JAK2: variants seen among roughly 807,000 people sequenced by gnomAD.
The protein encoded by JAK2 is Janus kinase 2.
JAK2 carries 86 observed loss-of-function variants against 139.3 expected under a neutral mutation model. The observed-to-expected ratio is 0.62, with a 90% confidence interval of 0.52 to 0.74. The LOEUF (loss-of-function observed/expected upper bound fraction) is 0.74, where lower values mean the gene tolerates loss of function less well. Among genes scored for constraint, JAK2 ranks in the 30% least tolerant of loss-of-function variants. The pLI, the probability that JAK2 is intolerant of heterozygous loss-of-function variation, is 0.00. For missense variants in JAK2, 1,421 were observed against 1,360.3 expected (o/e 1.04, Z -0.70); for synonymous variants, 490 against 437.7 (o/e 1.12, Z -1.49).
intron 14 of JAK2, among the ~76,000 whole-genome samples, chr9:5,074,112 C>T (rs949083913): frequency 1.3e-5 from 2 of 152,030 alleles, no homozygotes; most frequent in Non-Finnish European, 2.9e-5. Flanking sequence ...CTTTTCAGTA[C>T]AAACTTATCT....
At chr9:4,997,445 T>C (rs1820641814) in intron 2 of JAK2, among the ~76,000 whole-genome samples, 1 of 152,074 alleles carries the variant, frequency 6.6e-6, no homozygotes, top group South Asian at 2.1e-4. Context: ...CAAAAGAGAA[T>C]GTGGGGAAGG....
intron 19 of JAK2, chr9:5,085,748 G>T: frequency 1.3e-6 from 1 of 754,142 alleles, no homozygotes; most frequent in South Asian, 1.4e-5. Context: ...TGGCGCGCTG[G>T]CTAGCTTGCA....
Position 5,065,109 on chromosome 9 carries a change from A to G in JAK2, c.1214+69A>G, listed in dbSNP as rs565329837. ...GCTGTATTTACAAAGAAGATTTAAC[A>G]GAGTGATACATGTATGTTTAGAAAA... On this transcript the variant is annotated intron_variant, in intron 9 of 24. Transcript: ENST00000381652. 7 of 1,010,936 alleles carry G rather than the reference A, an allele frequency of 6.9e-6. No homozygotes were observed. The Admixed American group carries it at 1.6e-4, about 23-fold the overall frequency. 62.6% of individuals were successfully genotyped at this position (1,010,936 alleles called of 1,614,324 possible).
At chr9:5,059,553 C>T (rs1412986872) in intron 8 of JAK2, among the ~76,000 whole-genome samples, 1 of 152,048 alleles carries the variant, frequency 6.6e-6, no homozygotes, top group African/African-American at 2.4e-5. Flanking sequence ...TGGACTTATG[C>T]ACTCTTTTTT....
chr9:5,099,212 G>A (rs1016825009), intron 22 of JAK2: 4 of 152,080 alleles, frequency 2.6e-5, no homozygotes, highest in East Asian at 1.9e-4. Context: ...ACCACTGGGC[G>A]ACCAGGTCTT....
intron 3 of JAK2, among the ~76,000 whole-genome samples, chr9:5,029,549 A>G (rs1041836749): frequency 1.3e-5 from 2 of 152,204 alleles, no homozygotes; most frequent in African/African-American, 2.4e-5. Context: ...AAACCCCACA[A>G]TATCTGCAAA....
chr9:5,079,641 A>G (rs755295364), intron 16 of JAK2, among the ~76,000 whole-genome samples: 2 of 151,966 alleles, frequency 1.3e-5, no homozygotes, highest in East Asian at 3.9e-4. Context: ...GATAAACTAT[A>G]TAAAAAAAAA....
At chr9:5,082,550 C>T (rs1284142614) in intron 19 of JAK2, among the ~76,000 whole-genome samples, 3 of 152,240 alleles carry the variant, frequency 2.0e-5, no homozygotes, top group Non-Finnish European at 4.4e-5. Context: ...CAGTGGCCTT[C>T]CTCTTTTACT....
At chr9:5,067,880 G>T (rs903389789) in intron 10 of JAK2, among the ~76,000 whole-genome samples, 12 of 152,130 alleles carry the variant, frequency 7.9e-5, no homozygotes, top group African/African-American at 2.4e-4. Flanking sequence ...GCAGCCAGGT[G>T]TGGTGGCTCA....
intron 22 of JAK2, among the ~76,000 whole-genome samples, chr9:5,103,618 A>G (rs1161257907): frequency 1.3e-5 from 2 of 152,176 alleles, no homozygotes; most frequent in South Asian, 4.1e-4. Flanking sequence ...CAGAATATAC[A>G]TTCTTCTCAG....
rs1821281502 is a variant in JAK2 at position 5,099,343 on chromosome 9, A to C, written c.3059+8432A>C. Reference sequence around the variant, plus strand: ...CATCTACACTAAAATATCACTGTAAAGCTATTCAGCATTTACCTTTTAAGT... The same window carrying C: ...CATCTACACTAAAATATCACTGTAACGCTATTCAGCATTTACCTTTTAAGT... On this transcript the variant is annotated intron_variant, in intron 22 of 24. Transcript: ENST00000381652. 3 of 152,226 alleles carry C rather than the reference A, an allele frequency of 2.0e-5. No individual in the cohort carries two copies. In the South Asian group the frequency reaches 6.2e-4, roughly 32 times the overall value. 9.4% of individuals were successfully genotyped at this position (152,226 alleles called of 1,614,324 possible).
intron 11 of JAK2, 110 bp from the exon 12 acceptor site, chr9:5,069,815 A>G: frequency 1.9e-6 from 1 of 520,558 alleles, no homozygotes; most frequent in Non-Finnish European, 3.1e-6. Context: ...AACAATTAGG[A>G]GTTATTAAGC....
chr9:5,044,656 C>A, intron 5 of JAK2, 136 bp downstream of exon 5: 1 of 521,934 alleles, frequency 1.9e-6, no homozygotes, highest in East Asian at 3.3e-5. Context: ...AGAGAAGTAA[C>A]AAAATTGAGT....
At chr9:5,124,053 G>A (rs555358281) in intron 23 of JAK2, among the ~76,000 whole-genome samples, 1 of 151,604 alleles carries the variant, frequency 6.6e-6, no homozygotes, top group East Asian at 1.9e-4. Context: ...TTTTTAACAC[G>A]ATTATTAGGG....
At chr9:5,053,837 C>T (rs1339299279) in intron 6 of JAK2, among the ~76,000 whole-genome samples, 1 of 151,804 alleles carries the variant, frequency 6.6e-6, no homozygotes, top group Non-Finnish European at 1.5e-5. Context: ...TTAGATGGTA[C>T]TTGAGCCTTG....
At chr9:5,115,521 G>C (rs7871190) in intron 22 of JAK2, among the ~76,000 whole-genome samples, 16,296 of 152,166 alleles carry the variant, frequency 0.11, 2,781 homozygotes, top group African/African-American at 0.36. Flanking sequence ...CCAGGATCCA[G>C]AGTTAGAAAT....
chr9:5,034,567 A>G (rs1273867201), intron 4 of JAK2, among the ~76,000 whole-genome samples: 2 of 152,150 alleles, frequency 1.3e-5, no homozygotes, highest in East Asian at 1.9e-4. Flanking sequence ...TCAAACTAGA[A>G]CTCAGGATTA....
intron 16 of JAK2, among the ~76,000 whole-genome samples, chr9:5,079,528 C>G (rs1012778427): frequency 6.6e-6 from 1 of 151,620 alleles, no homozygotes; most frequent in African/African-American, 2.4e-5. Flanking sequence ...GTGGGAATTG[C>G]CATGGCTATT....
Position 5,069,141 on chromosome 9 carries a change from G to A in JAK2, c.1446G>A (p.Gln482=), listed in dbSNP as rs1488724976. The A allele has an allele frequency of 1.9e-5, 31 of 1,613,148 alleles. No homozygotes were observed. Among genetic ancestry groups the A allele is most frequent in the Non-Finnish European group, 2.5e-5 (30 of 1,179,448 alleles). ...TTAAAGATCTTTTGAATTGTTACCA[G>A]ATGGAAACTGTTCGCTCAGACAATA... is the stretch of plus-strand genomic sequence containing the variant. ...SSLKDLLNCY[Q]METVRSDNII... The change falls in exon 11 of 25, where the codon CAG becomes CAA. Residue 482 remains glutamine (Q), a synonymous_variant. Transcript: ENST00000381652.
Sources: gnomAD v4.1 joint callset for allele counts (sites outside exome capture counted in the v4.1 genomes callset) on GRCh38, gnomAD v4.1.1 for gene constraint, MANE v1.5 for transcripts, NCBI Gene and HGNC (gene_info 2026-07-23, HGNC 2026-07-21) for gene names.